The following SEL1L2 variants were observed in gnomAD, a reference collection of about 807,000 sequenced individuals.
SEL1L2 encodes SEL1L2 adaptor subunit of SYVN1 ubiquitin ligase, also known as protein sel-1 homolog 2.
A neutral mutation model predicts 98.8 loss-of-function variants in SEL1L2; 89 were observed. That is an observed-to-expected ratio of 0.90 (90% CI 0.76 to 1.07). The LOEUF is 1.07. Ranked by LOEUF, SEL1L2 falls within the 50% of genes least tolerant of loss-of-function variation. The pLI is 0.00. For missense variants in SEL1L2, 788 were observed against 812.0 expected, an observed-to-expected ratio of 0.97 and a Z score of 0.36; for synonymous variants, 262 against 278.5, an observed-to-expected ratio of 0.94 and a Z score of 0.59.
chr20:13,909,708 GGT>G (rs2048131783), intron 5 of SEL1L2, among the ~76,000 whole-genome samples: 1 of 152,144 alleles, frequency 6.6e-6, no homozygotes, highest in African/African-American at 2.4e-5. Context: ...GGCTGGGTGT[GGT>G]GGCTCAGCAC....
chr20:13,946,856 T>C (rs930396645), intron 2 of SEL1L2, among the ~76,000 whole-genome samples: 2 of 152,186 alleles, frequency 1.3e-5, no homozygotes, highest in Admixed American at 1.3e-4. Context: ...ACCCAGCTGG[T>C]GTGTGTGCAC....
intron 1 of SEL1L2, among the ~76,000 whole-genome samples, chr20:13,960,730 A>G (rs1466455727): frequency 6.6e-6 from 1 of 152,174 alleles, no homozygotes; most frequent in African/African-American, 2.4e-5. Context: ...CACTTCCCCT[A>G]CAGGATGCTG....
intron 1 of SEL1L2, among the ~76,000 whole-genome samples, chr20:13,978,010 T>C (rs1026756979): frequency 6.6e-6 from 1 of 152,158 alleles, no homozygotes. Flanking sequence ...CAGCCATTAA[T>C]TTTGTGTGGA....
upstream of SEL1L2, among the ~76,000 whole-genome samples, chr20:13,992,102 C>T (rs1208972800): frequency 6.6e-6 from 1 of 152,120 alleles, no homozygotes; most frequent in African/African-American, 2.4e-5. Flanking sequence ...CAGGTAGGGT[C>T]AGAGTCAGGG....
intron 4 of SEL1L2, among the ~76,000 whole-genome samples, chr20:13,914,269 T>C (rs1027199659): frequency 1.2e-4 from 18 of 152,034 alleles, no homozygotes; most frequent in African/African-American, 3.9e-4. Flanking sequence ...AAGTGAAAAA[T>C]TGAGGAACTT....
At chr20:13,876,811 G>A (rs1209309403) in intron 11 of SEL1L2, among the ~76,000 whole-genome samples, 2 of 152,082 alleles carry the variant, frequency 1.3e-5, no homozygotes. Context: ...CCTGGGCCAG[G>A]TGCACATTTT....
At chr20:13,957,597 C>T (rs1348599814) in intron 1 of SEL1L2, among the ~76,000 whole-genome samples, 1 of 152,168 alleles carries the variant, frequency 6.6e-6, no homozygotes, top group African/African-American at 2.4e-5. Flanking sequence ...AAAAATTAGG[C>T]TGGGTATGGC....
intron 10 of SEL1L2, among the ~76,000 whole-genome samples, chr20:13,882,839 C>T (rs1415717122): frequency 3.7e-5 from 4 of 108,208 alleles, no homozygotes; most frequent in East Asian, 3.0e-4. Context: ...TTTTTTGAGA[C>T]GGAGTCTCGC....
intron 12 of SEL1L2, among the ~76,000 whole-genome samples, chr20:13,873,385 C>G (rs1409659750): frequency 6.6e-6 from 1 of 151,742 alleles, no homozygotes; most frequent in Non-Finnish European, 1.5e-5. Context: ...TTTTTTGAGA[C>G]AGAGTCTTGC....
At chr20:13,946,997 A>C (rs1171167649) in intron 2 of SEL1L2, among the ~76,000 whole-genome samples, 1 of 152,164 alleles carries the variant, frequency 6.6e-6, no homozygotes, top group Non-Finnish European at 1.5e-5. Context: ...GCCACTCCAC[A>C]TGAACAGCCT....
chr20:13,944,792 G>C (rs751473954), intron 2 of SEL1L2, among the ~76,000 whole-genome samples: 4 of 152,204 alleles, frequency 2.6e-5, no homozygotes, highest in Non-Finnish European at 4.4e-5. Context: ...AATGCATGAT[G>C]ATGGTGATTT....
chr20:13,984,304 A>C (rs953057092), intron 1 of SEL1L2, among the ~76,000 whole-genome samples: 2 of 151,910 alleles, frequency 1.3e-5, no homozygotes, highest in African/African-American at 2.4e-5. Context: ...GAGCCACCGC[A>C]CTCAGCCTTG....
chr20:13,990,120 T>C (rs1397529838), intron 1 of SEL1L2, among the ~76,000 whole-genome samples: 1 of 152,234 alleles, frequency 6.6e-6, no homozygotes, highest in African/African-American at 2.4e-5. Flanking sequence ...TCTTATATTT[T>C]TCCTTTAAAG....
rs571692782 is a variant in SEL1L2 at position 13,870,079 on chromosome 20, G to A, written c.1167+62C>T. 6.9e-5 allele frequency: 81 copies of A among 1,177,342 alleles called. 1 individual carries two copies. In the South Asian group the frequency reaches 8.9e-4, roughly 13 times the overall value. The allele number at this position is 1,177,342 out of a possible 1,614,324, so 72.9% of individuals were successfully genotyped here. A position where few individuals can be genotyped will look rare whatever the true frequency, so the allele number is the denominator to read the frequency against. On this transcript the variant is annotated intron_variant, in intron 13 of 19. Transcript: ENST00000284951. Reference sequence around the variant, plus strand: ...GATAAATTCCTTTAAACTAATGAATGACCATGAATTTTACCCTGTAAATTG... The same window carrying A: ...GATAAATTCCTTTAAACTAATGAATAACCATGAATTTTACCCTGTAAATTG...
At chr20:13,856,718 T>C (rs1989227261) in intron 18 of SEL1L2, among the ~76,000 whole-genome samples, 1 of 152,218 alleles carries the variant, frequency 6.6e-6, no homozygotes, top group African/African-American at 2.4e-5. Context: ...ATTTTAATAT[T>C]GATTTACCAA....
chr20:13,888,892 C>T (rs1251268294), intron 5 of SEL1L2, among the ~76,000 whole-genome samples: 13 of 150,910 alleles, frequency 8.6e-5, no homozygotes, highest in African/African-American at 1.9e-4. Context: ...GTGATCTACC[C>T]GCCTCGGCCT....
chr20:13,882,027 T>C (rs965383584), intron 10 of SEL1L2, among the ~76,000 whole-genome samples: 1 of 152,206 alleles, frequency 6.6e-6, no homozygotes, highest in Non-Finnish European at 1.5e-5. Context: ...TGCATACATA[T>C]GTATATATTA....
intron 1 of SEL1L2, among the ~76,000 whole-genome samples, chr20:13,959,589 G>T (rs182843784): frequency 6.6e-6 from 1 of 152,200 alleles, no homozygotes; most frequent in Admixed American, 6.5e-5. Flanking sequence ...TGTCTCATCC[G>T]CCATATTCAC....
intron 1 of SEL1L2, among the ~76,000 whole-genome samples, chr20:13,979,635 G>A (rs1005239248): frequency 2.0e-5 from 3 of 152,090 alleles, no homozygotes; most frequent in African/African-American, 7.2e-5. Flanking sequence ...TCTCTGTGTT[G>A]GGCTACATAT....
Sources: allele counts gnomAD v4.1 joint callset (sites outside exome capture counted in the v4.1 genomes callset), GRCh38; gene constraint gnomAD v4.1.1; transcripts MANE v1.5; gene names NCBI Gene and HGNC (gene_info 2026-07-23, HGNC 2026-07-21).